Variants in RPS6KC1 observed in about 807,000 individuals in gnomAD.
RPS6KC1 encodes inactive ribosomal protein S6 kinase delta-1.
A neutral mutation model predicts 103.8 loss-of-function variants in RPS6KC1; 54 were observed. The observed-to-expected ratio is 0.52, with a 90% CI of 0.42 to 0.65. RPS6KC1 has a LOEUF of 0.65. Ranked by LOEUF, RPS6KC1 falls within the 30% of genes least tolerant of loss-of-function variation. The probability of loss-of-function intolerance (pLI) is 0.00; values close to 1 mark genes in which losing one functional copy is unlikely to be tolerated. For synonymous variants in RPS6KC1, 439 were observed against 438.7 expected, an observed-to-expected ratio of 1.00 and a Z score of -0.01; for missense variants, 1,151 against 1,253.8, an observed-to-expected ratio of 0.92 and a Z score of 1.24.
At position 213,134,546 on chromosome 1, in the gene RPS6KC1, A is replaced by G. The variant is rs1261848455; in HGVS notation, c.835+4657A>G. ...ACATTTTCATTCTGGTAAATGGTATAATAAGCAGTACCAAACCATTTTTTA... is the reference window on the plus strand; with the variant it reads ...ACATTTTCATTCTGGTAAATGGTATGATAAGCAGTACCAAACCATTTTTTA... On this transcript the variant is annotated intron_variant, in intron 6 of 14. Transcript: ENST00000366960. Among the ~76,000 whole-genome samples the G allele has an allele frequency of 2.6e-5, 4 of 152,122 alleles. No individual in the cohort carries two copies. The South Asian group carries it at 8.3e-4, about 31-fold the overall frequency.
chr1:213,514,709 T>C, the RPS6KC1 span, among the ~76,000 whole-genome samples: 1 of 152,228 alleles, frequency 6.6e-6, no homozygotes, highest in Admixed American at 6.5e-5. Context: ...TATGTCTTTA[T>C]AGCAGCATGT....
intron 12 of RPS6KC1, among the ~76,000 whole-genome samples, chr1:213,243,620 T>G (rs567612898): frequency 6.6e-6 from 1 of 152,306 alleles, no homozygotes; most frequent in African/African-American, 2.4e-5. Flanking sequence ...TGCATTTGAG[T>G]TGGTTTTTCT....
chr1:213,144,514 C>T (rs951843096), intron 6 of RPS6KC1, among the ~76,000 whole-genome samples: 5 of 152,044 alleles, frequency 3.3e-5, no homozygotes, highest in African/African-American at 9.7e-5. Flanking sequence ...CAGCCTCCCA[C>T]AGTGCTGGGA....
the RPS6KC1 span, among the ~76,000 whole-genome samples, chr1:213,529,802 G>T: frequency 6.6e-6 from 1 of 152,176 alleles, no homozygotes; most frequent in Non-Finnish European, 1.5e-5. Flanking sequence ...GGGACTCACA[G>T]TAGGAATATA....
chr1:213,209,695 C>CA (rs60840755), intron 8 of RPS6KC1, among the ~76,000 whole-genome samples: 1,607 of 54,106 alleles, frequency 0.03, 200 homozygotes, highest in African/African-American at 0.066. Context: ...AACTCCGTCT[C>CA]AAAAAAAAAA....
At chr1:213,093,237 G>A (rs2081149302) in intron 3 of RPS6KC1, among the ~76,000 whole-genome samples, 1 of 149,828 alleles carries the variant, frequency 6.7e-6, no homozygotes, top group Admixed American at 6.6e-5. Flanking sequence ...ATGAGGCGGA[G>A]TCTCGCTCTG....
chr1:213,508,276 A>G, the RPS6KC1 span, among the ~76,000 whole-genome samples: 1 of 152,258 alleles, frequency 6.6e-6, no homozygotes, highest in Non-Finnish European at 1.5e-5. Context: ...CCTGTTCAAA[A>G]TGAAAGCCAA....
chr1:213,827,055 G>T, the RPS6KC1 span, among the ~76,000 whole-genome samples: 2 of 152,130 alleles, frequency 1.3e-5, no homozygotes, highest in South Asian at 2.1e-4. Context: ...TAACTCTGAG[G>T]TTGTCACAGT....
chr1:213,177,962 G>A (rs1291225660), intron 8 of RPS6KC1, among the ~76,000 whole-genome samples: 2 of 151,980 alleles, frequency 1.3e-5, no homozygotes, highest in Admixed American at 1.3e-4. Flanking sequence ...CCAGCACTTT[G>A]GGAGGCCGAG....
the RPS6KC1 span, among the ~76,000 whole-genome samples, chr1:213,702,913 C>G: frequency 6.6e-6 from 1 of 151,244 alleles, no homozygotes; most frequent in African/African-American, 2.4e-5. Flanking sequence ...ATTGGAGAGT[C>G]TAGCCCATTT....
chr1:213,796,089 C>T, the RPS6KC1 span, among the ~76,000 whole-genome samples: 1 of 152,202 alleles, frequency 6.6e-6, no homozygotes, highest in Non-Finnish European at 1.5e-5. Context: ...GTTACAGCCA[C>T]CAGTTTCTTC....
the RPS6KC1 span, among the ~76,000 whole-genome samples, chr1:213,295,001 G>A: frequency 1.3e-5 from 2 of 152,122 alleles, no homozygotes. Flanking sequence ...GTGGCTCCCT[G>A]TGATTGGGGG....
chr1:213,862,707 A>T, the RPS6KC1 span, among the ~76,000 whole-genome samples: 1 of 149,076 alleles, frequency 6.7e-6, no homozygotes, highest in South Asian at 2.1e-4. Flanking sequence ...ATTTAAAAAC[A>T]AATAAAAAGA....
chr1:213,294,402 G>T, the RPS6KC1 span, among the ~76,000 whole-genome samples: 1 of 152,144 alleles, frequency 6.6e-6, no homozygotes, highest in African/African-American at 2.4e-5. Context: ...ATTTTGGTTT[G>T]TTCGCTCCTC....
the RPS6KC1 span, among the ~76,000 whole-genome samples, chr1:213,465,365 T>G: frequency 6.6e-6 from 1 of 152,176 alleles, no homozygotes; most frequent in Non-Finnish European, 1.5e-5. Context: ...CATGCACAGG[T>G]AGGAGAGTTT....
intron 6 of RPS6KC1, among the ~76,000 whole-genome samples, chr1:213,149,805 C>T (rs2088418165): frequency 6.6e-6 from 1 of 152,074 alleles, no homozygotes; most frequent in Non-Finnish European, 1.5e-5. Flanking sequence ...ATAATATTTG[C>T]CTTATAATAT....
chr1:213,127,347 G>C (rs1244363058), intron 5 of RPS6KC1, among the ~76,000 whole-genome samples: 1 of 152,130 alleles, frequency 6.6e-6, no homozygotes, highest in Non-Finnish European at 1.5e-5. Flanking sequence ...TAAAACCAAT[G>C]CTAATTTTTC....
At position 213,267,963 on chromosome 1, in the gene RPS6KC1, TATA is replaced by T. The variant is rs770865059; in HGVS notation, c.3091-4558_3091-4556del. On this transcript the variant is annotated intron_variant, in intron 14 of 14. Coordinates refer to ENST00000366960, the MANE Select transcript of RPS6KC1 (RefSeq NM_012424.6). ...ACAATAGCAAATGTACCAGTATACA[TATA>T]ATGATAGTCCCAGAAGGAGAGGAGA... Among the ~76,000 whole-genome samples the T allele has an allele frequency of 1.1e-4, 17 of 151,808 alleles. 1 individual carries two copies. Among genetic ancestry groups the T allele is most frequent in the Non-Finnish European group, 1.8e-4 (12 of 67,906 alleles).
intron 12 of RPS6KC1, among the ~76,000 whole-genome samples, chr1:213,253,980 G>A (rs1007111413): frequency 6.6e-6 from 1 of 152,104 alleles, no homozygotes; most frequent in African/African-American, 2.4e-5. Context: ...GTTATTCTGT[G>A]TTTTAGCAAG....
Sources: allele counts gnomAD v4.1 joint callset (sites outside exome capture counted in the v4.1 genomes callset), GRCh38; gene constraint gnomAD v4.1.1; transcripts MANE v1.5; gene names NCBI Gene and HGNC (gene_info 2026-07-23, HGNC 2026-07-21).